PRUNE2: variants seen among roughly 807,000 people sequenced by gnomAD.
The protein encoded by PRUNE2 is prune homolog 2 with BCH domain, also known as protein prune homolog 2.
A neutral mutation model predicts 252.0 loss-of-function variants in PRUNE2; 164 were observed. The ratio of observed to expected loss-of-function variants is 0.65; its 90% confidence interval spans 0.57 to 0.74. PRUNE2 has a LOEUF of 0.74. Ranked by LOEUF, PRUNE2 falls within the 30% of genes least tolerant of loss-of-function variation. PRUNE2 has a pLI of 0.00. For synonymous variants in PRUNE2, 1,292 were observed against 1,350.2 expected (o/e 0.96, Z 0.94); for missense variants, 3,495 against 3,711.0 (o/e 0.94, Z 1.51).
intron 14 of PRUNE2, among the ~76,000 whole-genome samples, 151 bp from the exon 15 acceptor site, chr9:76,636,708 C>G (rs1164573114): frequency 6.6e-6 from 1 of 152,092 alleles, no homozygotes; most frequent in Non-Finnish European, 1.5e-5. Context: ...GAGGCCAAGG[C>G]AGGCAGATCA....
chr9:76,803,374 A>G (rs2056698489), intron 6 of PRUNE2, among the ~76,000 whole-genome samples: 1 of 152,212 alleles, frequency 6.6e-6, no homozygotes, highest in Admixed American at 6.5e-5. Flanking sequence ...TTTTCTCTAT[A>G]GGACATATAC....
intron 1 of PRUNE2, chr9:76,857,096 T>C (rs1002111844): frequency 2.2e-6 from 1 of 455,808 alleles, no homozygotes. Context: ...TCTCCTCACT[T>C]TCCTTCATCC....
chr9:76,749,286 A>G (rs192754008), intron 6 of PRUNE2, among the ~76,000 whole-genome samples: 112 of 152,326 alleles, frequency 7.4e-4, no homozygotes, highest in African/African-American at 2.6e-3. Flanking sequence ...TCTTTGTTCT[A>G]AATTTCTTCC....
At chr9:76,648,545 G>A (rs1481607199) in intron 11 of PRUNE2, among the ~76,000 whole-genome samples, 1 of 152,220 alleles carries the variant, frequency 6.6e-6, no homozygotes, top group Non-Finnish European at 1.5e-5. Flanking sequence ...TTGCGTAAGT[G>A]AAGGAAGCCA....
At chr9:76,839,658 AC>A (rs1205721208) in intron 4 of PRUNE2, among the ~76,000 whole-genome samples, 4 of 152,198 alleles carry the variant, frequency 2.6e-5, no homozygotes, top group African/African-American at 9.6e-5. Flanking sequence ...GGCCTGACTT[AC>A]AATTTACAAG....
intron 6 of PRUNE2, among the ~76,000 whole-genome samples, chr9:76,728,185 G>T (rs1243781906): frequency 6.6e-6 from 1 of 152,120 alleles, no homozygotes; most frequent in Non-Finnish European, 1.5e-5. Context: ...TAGCATTCTT[G>T]CCTGATAACA....
intron 11 of PRUNE2, among the ~76,000 whole-genome samples, chr9:76,646,518 C>T (rs1844926565): frequency 6.6e-6 from 1 of 152,218 alleles, no homozygotes; most frequent in African/African-American, 2.4e-5. Flanking sequence ...TTATCAAGGA[C>T]ACAGATCATA....
chr9:76,636,487 T>C lies in PRUNE2; in HGVS notation c.9034A>G (p.Thr3012Ala). The C allele has an allele frequency of 1.3e-6, 2 of 1,537,230 alleles. No individual in the cohort carries two copies. The highest frequency in any genetic ancestry group is 1.8e-6 in the Non-Finnish European group (2 of 1,130,588). ...SWFIRTILAV[T>A]RPFISSKFSS... ...TAACTGTACCTTATAAAAGGTCGTG[T>C]CACAGCAAGGATTGTTCTGATGAAC... The change falls in exon 15 of 19, where the codon ACA becomes GCA. Residue 3012 changes from threonine to alanine, a missense_variant. Transcript: ENST00000376718.
At chr9:76,792,040 T>C (rs1195631877) in intron 6 of PRUNE2, among the ~76,000 whole-genome samples, 2 of 152,054 alleles carry the variant, frequency 1.3e-5, no homozygotes, top group Non-Finnish European at 2.9e-5. Context: ...TCCTGTGCCT[T>C]TGTGCGAGGC....
intron 6 of PRUNE2, among the ~76,000 whole-genome samples, chr9:76,748,016 T>G (rs895304002): frequency 6.6e-6 from 1 of 152,042 alleles, no homozygotes; most frequent in Non-Finnish European, 1.5e-5. Context: ...CAGGCTGGTT[T>G]CAAACTCCCG....
chr9:76,682,054 C>A (rs2043499659), intron 9 of PRUNE2, among the ~76,000 whole-genome samples: 1 of 152,006 alleles, frequency 6.6e-6, no homozygotes, highest in Non-Finnish European at 1.5e-5. Flanking sequence ...CAAAATGAGA[C>A]CTCCCTGGAG....
At chr9:76,828,182 T>A (rs2058456598) in intron 4 of PRUNE2, among the ~76,000 whole-genome samples, 1 of 152,162 alleles carries the variant, frequency 6.6e-6, no homozygotes, top group East Asian at 1.9e-4. Flanking sequence ...AAAGTTAACC[T>A]AAGCTGAGCT....
At chr9:76,885,032 C>T (rs1418957265) in intron 1 of PRUNE2, among the ~76,000 whole-genome samples, 2 of 152,166 alleles carry the variant, frequency 1.3e-5, no homozygotes, top group Non-Finnish European at 1.5e-5. Flanking sequence ...GTTTTCACAG[C>T]GGCCAATCTG....
intron 6 of PRUNE2, among the ~76,000 whole-genome samples, chr9:76,747,959 T>C (rs2050282305): frequency 6.6e-6 from 1 of 152,072 alleles, no homozygotes; most frequent in Non-Finnish European, 1.5e-5. Context: ...CCATGATGGC[T>C]AATTTTTGTA....
chr9:76,822,868 T>C (rs1173030088), intron 6 of PRUNE2, among the ~76,000 whole-genome samples: 1 of 152,024 alleles, frequency 6.6e-6, no homozygotes, highest in Non-Finnish European at 1.5e-5. Flanking sequence ...CACAAATTCC[T>C]ATAGAGCATA....
chr9:76,735,376 C>G (rs188806775), intron 6 of PRUNE2, among the ~76,000 whole-genome samples: 22 of 151,480 alleles, frequency 1.5e-4, no homozygotes, highest in Admixed American at 1.4e-3. Flanking sequence ...GTTTTAGAAG[C>G]AGAGTCCCCC....
chr9:76,709,027 T>C lies in PRUNE2; in HGVS notation c.3247A>G (p.Ser1083Gly), dbSNP rs1483281414. 1.9e-6 allele frequency: 3 copies of C among 1,613,894 alleles called. No individual in the cohort carries two copies. In the African/African-American group the frequency reaches 4.0e-5, roughly 22 times the overall value. Reference sequence around the variant, plus strand: ...GTTTCATTGTACAGTTGCATCATGCTGGGGTCGTCGTAACTGGACTGGCTG... The same window carrying C: ...GTTTCATTGTACAGTTGCATCATGCCGGGGTCGTCGTAACTGGACTGGCTG... The part of the protein sequence containing the change: ...ESSQSSYDDP[S>G]MMQLYNETNR... Residue 1083 changes from serine (S) to glycine (G), a missense_variant, in exon 8 of 19, where the codon AGC (serine) becomes GGC (glycine). Transcript: ENST00000376718.
chr9:76,615,679 A>G (rs934875689), intron 18 of PRUNE2, among the ~76,000 whole-genome samples: 1 of 151,914 alleles, frequency 6.6e-6, no homozygotes, highest in African/African-American at 2.4e-5. Flanking sequence ...AGCATTTTCA[A>G]TTGTACATAA....
chr9:76,873,829 C>T (rs1043327780), intron 1 of PRUNE2, among the ~76,000 whole-genome samples: 1 of 152,216 alleles, frequency 6.6e-6, no homozygotes, highest in African/African-American at 2.4e-5. Flanking sequence ...TAAATAACCT[C>T]ATAATCACAT....
Sources: gnomAD v4.1 joint callset for allele counts (sites outside exome capture counted in the v4.1 genomes callset) on GRCh38, gnomAD v4.1.1 for gene constraint, MANE v1.5 for transcripts, NCBI Gene and HGNC (gene_info 2026-07-23, HGNC 2026-07-21) for gene names.